NEXMIF: variants seen among roughly 807,000 people sequenced by gnomAD.
NEXMIF encodes neurite extension and migration factor.
NEXMIF carries 8 observed loss-of-function variants against 62.1 expected under a neutral mutation model. The observed-to-expected ratio is 0.13, with a 90% CI of 0.08 to 0.23. The LOEUF (loss-of-function observed/expected upper bound fraction) is 0.23. Among genes scored for constraint, NEXMIF ranks in the 10% least tolerant of loss-of-function variants. NEXMIF has a pLI of 1.00. For synonymous variants in NEXMIF, 404 were observed against 416.6 expected, an observed-to-expected ratio of 0.97 and a Z score of 0.37; for missense variants, 976 against 1,113.3, an observed-to-expected ratio of 0.88 and a Z score of 1.75.
chrX:74,751,658 T>TTTCC (rs1556017750), intron 1 of NEXMIF, among the ~76,000 whole-genome samples: 1 of 84,002 alleles, frequency 1.2e-5, no homozygotes, highest in Non-Finnish European at 2.2e-5. Context: ...CCTTCCTTCC[T>TTTCC]TTCCTTCCTT....
In NEXMIF at chrX:74,733,795, A is replaced by G. The variant is rs913246088; in HGVS notation, c.*5610T>C. ...GCACAAGATCACTACACTCTTTCAC[A>G]ACATGTTTTGTGTTACAAAATTTCC... On this transcript the variant is annotated 3_prime_UTR_variant, in exon 4 of 4. Coordinates refer to ENST00000055682, the MANE Select transcript of NEXMIF (RefSeq NM_001008537.3). 2 of 112,487 alleles carry G rather than the reference A, an allele frequency of 1.8e-5. No homozygotes were observed. Among genetic ancestry groups the G allele is most frequent in the Non-Finnish European group, 3.8e-5 (2 of 53,240 alleles). 9.3% of individuals were successfully genotyped at this position (112,487 alleles called of 1,213,427 possible).
intron 1 of NEXMIF, among the ~76,000 whole-genome samples, chrX:74,751,185 G>A (rs73625821): frequency 0.25 from 27,004 of 110,194 alleles, 4,038 homozygotes; most frequent in East Asian, 0.96. Context: ...AGCCAAGATC[G>A]TGCCACTGCA....
intron 1 of NEXMIF, among the ~76,000 whole-genome samples, chrX:74,756,041 A>G (rs2080158144): frequency 9.1e-6 from 1 of 109,990 alleles, no homozygotes; most frequent in African/African-American, 3.3e-5. Context: ...ATACCCGACT[A>G]ATTTTTGTAT....
chrX:74,921,078 AT>A (rs752645077), intron 1 of NEXMIF, among the ~76,000 whole-genome samples: 1 of 111,878 alleles, frequency 8.9e-6, no homozygotes, highest in Non-Finnish European at 1.9e-5. Context: ...AATTGTGTAC[AT>A]AGTATTAATA....
intron 1 of NEXMIF, among the ~76,000 whole-genome samples, chrX:74,793,804 C>T (rs1388444017): frequency 2.5e-5 from 2 of 80,903 alleles, no homozygotes; most frequent in Admixed American, 1.5e-4. Flanking sequence ...ACGTAGTTCT[C>T]GAGCCTTGGT....
chrX:74,843,405 G>T (rs748909746), intron 1 of NEXMIF, among the ~76,000 whole-genome samples: 1 of 109,318 alleles, frequency 9.1e-6, no homozygotes, highest in South Asian at 4.0e-4. Context: ...GCATACTATT[G>T]GGTCTTGCTT....
At chrX:74,766,203 GTA>G (rs2147452588) in intron 1 of NEXMIF, among the ~76,000 whole-genome samples, 1 of 111,289 alleles carries the variant, frequency 9.0e-6, no homozygotes, top group East Asian at 2.8e-4. Context: ...AGTCTGATGA[GTA>G]TGTTTCTTGG....
At chrX:74,786,240 A>C (rs1312630780) in intron 1 of NEXMIF, among the ~76,000 whole-genome samples, 1 of 112,005 alleles carries the variant, frequency 8.9e-6, no homozygotes, top group Non-Finnish European at 1.9e-5. Flanking sequence ...CAGTTGTACT[A>C]TAATGTGTGG....
chrX:74,744,110 G>A lies in NEXMIF; in HGVS notation c.447C>T (p.Cys149=). Residue 149 remains cysteine (C), a synonymous_variant, in exon 3 of 4, where the codon TGC becomes TGT. Transcript: ENST00000055682. The part of the protein sequence containing the change: ...LMQPSRTCLG[C]FMESKDAVDP... Reference sequence around the variant, plus strand: ...CTACTGCATCCTTGGATTCCATGAAGCAGCCTAAGCAAGTCCGACTTGGCT... The same window carrying A: ...CTACTGCATCCTTGGATTCCATGAAACAGCCTAAGCAAGTCCGACTTGGCT... 1 of 1,211,687 alleles carries A rather than the reference G, an allele frequency of 8.3e-7. No individual in the cohort carries two copies. Among genetic ancestry groups the A allele is most frequent in the Non-Finnish European group, 1.1e-6 (1 of 895,486 alleles).
intron 1 of NEXMIF, among the ~76,000 whole-genome samples, chrX:74,819,130 T>C (rs1042150739): frequency 3.6e-5 from 4 of 112,059 alleles, no homozygotes; most frequent in Non-Finnish European, 5.6e-5. Context: ...TGGCTAGCCG[T>C]ATGTAGAAAG....
chrX:74,767,470 T>G (rs1053752159), intron 1 of NEXMIF, among the ~76,000 whole-genome samples: 1 of 111,680 alleles, frequency 9.0e-6, no homozygotes, highest in South Asian at 3.8e-4. Context: ...TGGGAGATTC[T>G]GCCCAGTGAA....
intron 1 of NEXMIF, among the ~76,000 whole-genome samples, chrX:74,918,757 G>A (rs1382499704): frequency 1.8e-5 from 2 of 111,892 alleles, no homozygotes; most frequent in Non-Finnish European, 3.8e-5. Context: ...GTTTGCAGAA[G>A]CAACTCTAAA....
In NEXMIF at chrX:74,743,187, T is replaced by C. The variant is rs1008249667; in HGVS notation, c.1370A>G (p.Lys457Arg). Residue 457 changes from lysine (K) to arginine (R), a missense_variant, in exon 3 of 4, where the codon AAG becomes AGG. This residue lies in a region of NEXMIF where 639 missense variants were observed against 694.5 expected (regional missense o/e 0.92). Transcript: ENST00000055682. ...EISYDAMGEIKDCSRYMARDT... is the reference protein window; with the variant it reads ...EISYDAMGEIRDCSRYMARDT... ...CCGAGCCATATAGCGACTACAGTCC[T>C]TGATCTCACCCATAGCATCATATGA... 8.3e-7 allele frequency: 1 copy of C among 1,208,642 alleles called. No individual in the cohort carries two copies. Among genetic ancestry groups the C allele is most frequent in the African/African-American group, 1.8e-5 (1 of 56,980 alleles).
chrX:74,773,326 T>C (rs982970029), intron 1 of NEXMIF, among the ~76,000 whole-genome samples: 6 of 112,221 alleles, frequency 5.3e-5, no homozygotes, highest in African/African-American at 1.9e-4. Flanking sequence ...TCTCCTTTAA[T>C]ATATAAGGAA....
intron 1 of NEXMIF, among the ~76,000 whole-genome samples, chrX:74,877,311 A>G (rs2080639981): frequency 9.0e-6 from 1 of 111,569 alleles, no homozygotes; most frequent in Non-Finnish European, 1.9e-5. Context: ...AGAATGTTGA[A>G]TATTGGCCCC....
intron 1 of NEXMIF, among the ~76,000 whole-genome samples, chrX:74,875,070 C>T (rs1160874704): frequency 3.6e-5 from 4 of 111,485 alleles, no homozygotes; most frequent in African/African-American, 1.3e-4. Context: ...CTGTCTTGTG[C>T]CAGTTTTCAA....
Position 74,743,590 on chromosome X carries a change from C to T in NEXMIF, c.967G>A (p.Asp323Asn). The T allele has an allele frequency of 8.3e-7, 1 of 1,211,621 alleles. No homozygotes were observed. The highest frequency in any genetic ancestry group is 1.1e-6 in the Non-Finnish European group (1 of 895,532). Residue 323 changes from aspartate to asparagine, a missense_variant, in exon 3 of 4, where the codon GAC (aspartate) becomes AAC (asparagine). Coordinates refer to ENST00000055682, the MANE Select transcript of NEXMIF (RefSeq NM_001008537.3). ...RYESFQDNVR[D>N]KTTLLMQEDA... Reference sequence around the variant, plus strand: ...TCCTGCATCAAAAGAGTAGTCTTGTCTCGAACATTGTCCTGAAAGGATTCA... The same window carrying T: ...TCCTGCATCAAAAGAGTAGTCTTGTTTCGAACATTGTCCTGAAAGGATTCA...
At chrX:74,878,210 C>T (rs906500724) in intron 1 of NEXMIF, among the ~76,000 whole-genome samples, 3 of 111,206 alleles carry the variant, frequency 2.7e-5, no homozygotes, top group Non-Finnish European at 5.7e-5. Flanking sequence ...TTCTAACAGA[C>T]GGGACCCTCA....
chrX:74,791,762 C>T (rs1426806369), intron 1 of NEXMIF, among the ~76,000 whole-genome samples: 6 of 109,655 alleles, frequency 5.5e-5, no homozygotes, highest in Admixed American at 9.7e-5. Context: ...AGTTTATTTG[C>T]ATAGAGGTGT....
Sources: allele counts gnomAD v4.1 joint callset (sites outside exome capture counted in the v4.1 genomes callset), GRCh38; gene constraint gnomAD v4.1.1; regional missense constraint gnomAD v4.1.1; transcripts MANE v1.5; gene names NCBI Gene and HGNC (gene_info 2026-07-23, HGNC 2026-07-21).